NAV3: variants seen among roughly 807,000 people sequenced by gnomAD.
The protein encoded by NAV3 is pore membrane and/or filament interacting like protein 1.
NAV3 carries 87 observed loss-of-function variants against 244.7 expected under a neutral mutation model. The observed-to-expected ratio is 0.36, with a 90% CI of 0.30 to 0.42. The LOEUF (loss-of-function observed/expected upper bound fraction) is 0.42. Ranked by LOEUF, NAV3 falls within the 20% of genes least tolerant of loss-of-function variation. The pLI is 1.00. For synonymous variants in NAV3, 1,126 were observed against 1,042.2 expected, an observed-to-expected ratio of 1.08 and a Z score of -1.55; for missense variants, 2,663 against 2,893.3, an observed-to-expected ratio of 0.92 and a Z score of 1.83.
chr12:77,601,760 G>A (rs1870443050), intron 2 of NAV3, among the ~76,000 whole-genome samples: 1 of 151,966 alleles, frequency 6.6e-6, no homozygotes, highest in Admixed American at 6.6e-5. Context: ...TGTGTCTTGA[G>A]GGGCATTGCT....
intron 2 of NAV3, among the ~76,000 whole-genome samples, chr12:77,647,997 ATAATG>A (rs1393881400): frequency 1.3e-5 from 2 of 152,292 alleles, no homozygotes; most frequent in East Asian, 3.9e-4. Context: ...CAGTTCAAAA[ATAATG>A]ACACAACAAA....
chr12:77,770,239 G>GTGAT (rs1870009317), intron 2 of NAV3, among the ~76,000 whole-genome samples: 1 of 152,152 alleles, frequency 6.6e-6, no homozygotes, highest in Non-Finnish European at 1.5e-5. Flanking sequence ...ATTTGTAGGA[G>GTGAT]TGATGGGTGA....
chr12:78,089,260 A>G (rs1953798486), intron 12 of NAV3, among the ~76,000 whole-genome samples: 1 of 152,174 alleles, frequency 6.6e-6, no homozygotes, highest in Non-Finnish European at 1.5e-5. Context: ...TAGAGAAAAT[A>G]AGTGAATGCA....
chr12:77,578,407 C>G (rs764035345), intron 2 of NAV3, among the ~76,000 whole-genome samples: 2 of 152,092 alleles, frequency 1.3e-5, no homozygotes, highest in Non-Finnish European at 2.9e-5. Context: ...AATGAAGTGG[C>G]CTTTAGTTTC....
At position 77,831,372 on chromosome 12, in the gene NAV3, T is replaced by C. The variant is rs2136071814; in HGVS notation, c.-90T>C. 1.5e-6 allele frequency: 2 copies of C among 1,355,822 alleles called. No individual in the cohort carries two copies. Among genetic ancestry groups the C allele is most frequent in the South Asian group, 3.6e-5 (2 of 55,938 alleles). The allele number at this position is 1,355,822 out of a possible 1,614,324, so 84.0% of individuals were successfully genotyped here. Reference sequence around the variant, plus strand: ...GGATGACTGCTAGTTTTGTTTAAAGTATTTGTTCTGGAAATACTAAAGTTG... The same window carrying C: ...GGATGACTGCTAGTTTTGTTTAAAGCATTTGTTCTGGAAATACTAAAGTTG... On this transcript the variant is annotated 5_prime_UTR_variant, in exon 1 of 40. Coordinates refer to ENST00000397909, the MANE Select transcript of NAV3 (RefSeq NM_001024383.2).
chr12:77,630,492 T>C (rs1185046706), intron 2 of NAV3, among the ~76,000 whole-genome samples: 6 of 152,188 alleles, frequency 3.9e-5, no homozygotes, highest in Admixed American at 3.9e-4. Context: ...CTGTAACTCT[T>C]TTTTGTCACC....
At chr12:77,857,726 T>C (rs978338615) in intron 1 of NAV3, among the ~76,000 whole-genome samples, 3 of 151,894 alleles carry the variant, frequency 2.0e-5, no homozygotes, top group Non-Finnish European at 4.4e-5. Flanking sequence ...AATATTCTTG[T>C]AAAAAACTAA....
chr12:78,189,885 T>C (rs1958897442), intron 33 of NAV3, 99 bp from the exon 34 acceptor site: 1 of 861,250 alleles, frequency 1.2e-6, no homozygotes, highest in Non-Finnish European at 1.8e-6. Context: ...AAGGACTCTA[T>C]TCCTATGACT....
chr12:77,853,601 T>G (rs1000385287), intron 1 of NAV3, among the ~76,000 whole-genome samples: 3 of 152,194 alleles, frequency 2.0e-5, no homozygotes, highest in African/African-American at 7.2e-5. Flanking sequence ...GCAATACTTC[T>G]GATAGCAACA....
At chr12:77,616,730 G>GCA (rs147977960) in intron 2 of NAV3, among the ~76,000 whole-genome samples, 12,084 of 148,028 alleles carry the variant, frequency 0.082, 776 homozygotes, top group African/African-American at 0.18. Context: ...ACACAGGCGC[G>GCA]CACACACACA....
intron 12 of NAV3, among the ~76,000 whole-genome samples, chr12:78,063,942 C>T (rs1884646831): frequency 6.6e-6 from 1 of 152,088 alleles, no homozygotes; most frequent in Non-Finnish European, 1.5e-5. Context: ...AGCTATTTTA[C>T]TAAGTTTAAT....
At chr12:77,885,346 G>C (rs1003241744) in intron 1 of NAV3, among the ~76,000 whole-genome samples, 5 of 152,058 alleles carry the variant, frequency 3.3e-5, no homozygotes, top group South Asian at 2.1e-4. Context: ...CTTGCCAAAG[G>C]TTGTACTGCT....
intron 8 of NAV3, among the ~76,000 whole-genome samples, chr12:78,015,035 A>T (rs1188424871): frequency 6.6e-6 from 1 of 152,092 alleles, no homozygotes; most frequent in Non-Finnish European, 1.5e-5. Flanking sequence ...TTTTGTGTAG[A>T]ATACTACCAC....
chr12:78,108,112 A>G (rs1009751358), intron 12 of NAV3, among the ~76,000 whole-genome samples: 2 of 152,184 alleles, frequency 1.3e-5, no homozygotes, highest in Admixed American at 1.3e-4. Context: ...GAATGGTAAA[A>G]GATATTCCTT....
intron 5 of NAV3, among the ~76,000 whole-genome samples, chr12:77,993,495 G>T (rs1871798070): frequency 6.6e-6 from 1 of 152,142 alleles, no homozygotes; most frequent in Admixed American, 6.5e-5. Context: ...GGTGCTCAGT[G>T]TAGTTAGAAT....
Position 77,998,477 on chromosome 12 carries a change from G to T in NAV3, c.880+1G>T. ...AATTATGCAAATGGAAACGAAAAAG[G>T]TAAGTGTTTGTTACATCATTATGAC... On this transcript the variant is annotated splice_donor_variant, in intron 7 of 39. Transcript: ENST00000397909. LOFTEE classifies it high-confidence loss of function. 6.2e-7 allele frequency: 1 copy of T among 1,600,446 alleles called. No homozygotes were observed. The highest frequency in any genetic ancestry group is 8.5e-7 in the Non-Finnish European group (1 of 1,175,036).
chr12:77,671,058 G>T (rs1427797423), intron 2 of NAV3, among the ~76,000 whole-genome samples: 2 of 151,998 alleles, frequency 1.3e-5, no homozygotes, highest in Non-Finnish European at 2.9e-5. Context: ...CATCCAGAAA[G>T]CTCCCAGAAC....
At chr12:77,847,374 A>T (rs1196518702) in intron 1 of NAV3, among the ~76,000 whole-genome samples, 1 of 152,224 alleles carries the variant, frequency 6.6e-6, no homozygotes, top group African/African-American at 2.4e-5. Context: ...GAGGAATTGC[A>T]TCACATTTTG....
chr12:77,895,262 G>A (rs1884444866), intron 1 of NAV3, among the ~76,000 whole-genome samples: 1 of 151,744 alleles, frequency 6.6e-6, no homozygotes, highest in Non-Finnish European at 1.5e-5. Context: ...AAAATTAATT[G>A]CTATTCTGTC....
Sources: allele counts gnomAD v4.1 joint callset (sites outside exome capture counted in the v4.1 genomes callset), GRCh38; gene constraint gnomAD v4.1.1; transcripts MANE v1.5; gene names NCBI Gene and HGNC (gene_info 2026-07-23, HGNC 2026-07-21).